The following RTN4RL1 variants were observed in gnomAD, a reference collection of about 807,000 sequenced individuals.
RTN4RL1 encodes reticulon-4 receptor-like 1.
Under a neutral mutation model 25.6 loss-of-function variants are expected in RTN4RL1, and 7 were observed. The ratio of observed to expected loss-of-function variants is 0.27; its 90% CI spans 0.16 to 0.51. The LOEUF (loss-of-function observed/expected upper bound fraction) is 0.51. RTN4RL1 is among the 20% of genes least tolerant of loss of function. The pLI, the probability that RTN4RL1 is intolerant of heterozygous loss-of-function variation, is 0.97. For synonymous variants in RTN4RL1, 297 were observed against 288.2 expected, an observed-to-expected ratio of 1.03 and a Z score of -0.31; for missense variants, 500 against 615.6, an observed-to-expected ratio of 0.81 and a Z score of 1.99.
At chr17:2,012,717 T>C (rs992198159) in intron 1 of RTN4RL1, among the ~76,000 whole-genome samples, 25 of 152,290 alleles carry the variant, frequency 1.6e-4, no homozygotes, top group African/African-American at 5.8e-4. Flanking sequence ...TCAATCAACA[T>C]TTATTAGCCA....
At position 1,935,711 on chromosome 17, in the gene RTN4RL1, G is replaced by GTA. The variant is rs58785478; in HGVS notation, c.*783_*784dup. The stretch of plus-strand genomic sequence containing the variant: ...AGTGGGAGGGGGACTGTGCATTTGT[G>GTA]TATATATATATATATATATATATAT... On this transcript the variant is annotated 3_prime_UTR_variant, in exon 2 of 2. Transcript: ENST00000331238. The GTA allele has an allele frequency of 0.1, 15,739 of 157,010 alleles. 1,585 individuals are homozygous for GTA. The highest frequency in any genetic ancestry group is 0.16 in the Admixed American group (1,191 of 7,416). The allele number at this position is 157,010 out of a possible 1,614,324, so 9.7% of individuals were successfully genotyped here. A position where few individuals can be genotyped will look rare whatever the true frequency, so the allele number is the denominator to read the frequency against.
chr17:2,004,836 G>GA (rs571072221), intron 1 of RTN4RL1, among the ~76,000 whole-genome samples: 109 of 152,316 alleles, frequency 7.2e-4, no homozygotes, highest in Non-Finnish European at 1.4e-3. Context: ...TCTGGAGGCA[G>GA]AGAGGCAAAA....
chr17:1,995,229 C>A (rs770162739), intron 1 of RTN4RL1, among the ~76,000 whole-genome samples: 1 of 152,080 alleles, frequency 6.6e-6, no homozygotes, highest in African/African-American at 2.4e-5. Flanking sequence ...AGTTTGAGAC[C>A]GGCCTGGCCA....
chr17:1,966,715 ATCC>A (rs1268942024), intron 1 of RTN4RL1, among the ~76,000 whole-genome samples: 3 of 152,032 alleles, frequency 2.0e-5, no homozygotes, highest in African/African-American at 7.3e-5. Context: ...GGACACAGAG[ATCC>A]TCTGCCCTCT....
At chr17:2,005,927 C>A (rs1207088445) in intron 1 of RTN4RL1, among the ~76,000 whole-genome samples, 1 of 148,380 alleles carries the variant, frequency 6.7e-6, no homozygotes, top group East Asian at 2.0e-4. Context: ...CTCCCGAGTA[C>A]CTGGGACCAC....
intron 1 of RTN4RL1, among the ~76,000 whole-genome samples, chr17:1,962,451 G>A (rs971331090): frequency 7.2e-6 from 1 of 138,420 alleles, no homozygotes. Context: ...TCCGTCTCCC[G>A]GGTTCAAGTG....
At chr17:2,015,792 C>T (rs914363309) in intron 1 of RTN4RL1, among the ~76,000 whole-genome samples, 3 of 152,106 alleles carry the variant, frequency 2.0e-5, no homozygotes, top group Admixed American at 2.0e-4. Flanking sequence ...CGCAAGGGGT[C>T]CGAAAGGAGG....
chr17:2,014,827 AT>A (rs2151328038), intron 1 of RTN4RL1, among the ~76,000 whole-genome samples: 1 of 149,612 alleles, frequency 6.7e-6, no homozygotes, highest in South Asian at 2.1e-4. Flanking sequence ...GAAGGACTCC[AT>A]CTCAAAGGAA....
chr17:2,017,537 C>T (rs899607925), intron 1 of RTN4RL1, among the ~76,000 whole-genome samples: 21 of 152,366 alleles, frequency 1.4e-4, no homozygotes, highest in Middle Eastern at 3.4e-3. Flanking sequence ...CATCGTGCCA[C>T]GGCACCGAGC....
intron 1 of RTN4RL1, among the ~76,000 whole-genome samples, chr17:1,969,076 T>TTTTTTTTTTA (rs61241564): frequency 1.3e-5 from 2 of 149,064 alleles, no homozygotes; most frequent in Non-Finnish European, 3.0e-5. Context: ...TTTTTTTTTT[T>TTTTTTTTTTA]GAGATGGAGT....
At chr17:1,965,184 A>C (rs1356494934) in intron 1 of RTN4RL1, among the ~76,000 whole-genome samples, 2 of 146,010 alleles carry the variant, frequency 1.4e-5, no homozygotes, top group Non-Finnish European at 3.0e-5. Context: ...ATCTCACCTC[A>C]CTGCAACCTC....
At chr17:1,942,608 G>T (rs980606582) in intron 1 of RTN4RL1, among the ~76,000 whole-genome samples, 3 of 152,150 alleles carry the variant, frequency 2.0e-5, no homozygotes, top group South Asian at 2.1e-4. Flanking sequence ...TGCCTCACAG[G>T]GTTGCCTTAG....
At chr17:1,977,452 CGGA>C (rs1318459355) in intron 1 of RTN4RL1, among the ~76,000 whole-genome samples, 106 of 152,274 alleles carry the variant, frequency 7.0e-4, no homozygotes, top group African/African-American at 2.3e-3. Flanking sequence ...TCGTCTCAGG[CGGA>C]GGTCCCCATC....
chr17:1,986,925 C>T (rs562014729), intron 1 of RTN4RL1, among the ~76,000 whole-genome samples: 2 of 152,124 alleles, frequency 1.3e-5, no homozygotes, highest in East Asian at 1.9e-4. Flanking sequence ...CTGAGCCGTG[C>T]GACCTTGAGG....
chr17:1,975,632 C>T (rs2066839713), intron 1 of RTN4RL1, among the ~76,000 whole-genome samples: 1 of 152,014 alleles, frequency 6.6e-6, no homozygotes, highest in South Asian at 2.1e-4. Context: ...GCCTGGGCAA[C>T]AGAGTGAGAC....
intron 1 of RTN4RL1, among the ~76,000 whole-genome samples, chr17:2,011,664 C>A (rs1166499883): frequency 2.6e-5 from 4 of 152,140 alleles, no homozygotes; most frequent in African/African-American, 9.7e-5. Context: ...TCACTCATCT[C>A]CTTGCAATAA....
chr17:1,966,406 T>G (rs1052191921), intron 1 of RTN4RL1, among the ~76,000 whole-genome samples: 11 of 152,066 alleles, frequency 7.2e-5, no homozygotes, highest in Non-Finnish European at 1.6e-4. Flanking sequence ...CAGAAGATGC[T>G]TCAGATGGAA....
intron 1 of RTN4RL1, among the ~76,000 whole-genome samples, chr17:2,004,102 C>T (rs934250683): frequency 6.7e-6 from 1 of 149,490 alleles, no homozygotes; most frequent in Non-Finnish European, 1.5e-5. Context: ...GGCGCGGTGG[C>T]TCACGCCTGT....
At chr17:1,951,488 G>A (rs1206935951) in intron 1 of RTN4RL1, among the ~76,000 whole-genome samples, 1 of 151,792 alleles carries the variant, frequency 6.6e-6, no homozygotes, top group Non-Finnish European at 1.5e-5. Flanking sequence ...GTCTCGCTCT[G>A]TCTCACAGGC....
Sources: gnomAD v4.1 joint callset for allele counts (sites outside exome capture counted in the v4.1 genomes callset) on GRCh38, gnomAD v4.1.1 for gene constraint, MANE v1.5 for transcripts, NCBI Gene and HGNC (gene_info 2026-07-23, HGNC 2026-07-21) for gene names.